The following AQP9 variants were observed in gnomAD, a reference collection of about 807,000 sequenced individuals.
AQP9 encodes aquaporin 9, also known as aquaporin-9.
AQP9 carries 19 observed loss-of-function variants against 23.8 expected under a neutral mutation model. The observed-to-expected ratio is 0.80, with a 90% confidence interval of 0.56 to 1.17. The LOEUF is 1.17. Ranked by LOEUF, AQP9 falls within the 50% of genes most tolerant of loss-of-function variation. The pLI is 0.00. For missense variants in AQP9, 413 were observed against 362.0 expected (o/e 1.14, Z -1.14); for synonymous variants, 153 against 131.5 (o/e 1.16, Z -1.12).
rs776663420 is a variant in AQP9, at chr15:58,166,692, T to C, written c.131T>C (p.Val44Ala). The change falls in exon 2 of 6, where the codon GTT becomes GCT. Residue 44 changes from valine to alanine, a missense_variant. Coordinates refer to ENST00000219919, the MANE Select transcript of AQP9 (RefSeq NM_020980.5). ...TTCCAGGTCCTTGGATGTGGCTGTG[T>C]TGCCCAAGCTATTCTCAGTCGAGGA... ...FILIVLGCGC[V>A]AQAILSRGRF... 4 of 1,611,372 alleles carry C rather than the reference T, an allele frequency of 2.5e-6. No homozygotes were observed. Among genetic ancestry groups the C allele is most frequent in the East Asian group, 2.2e-5 (1 of 44,674 alleles).
intron 5 of AQP9, among the ~76,000 whole-genome samples, chr15:58,181,190 T>A (rs1309008757): frequency 2.6e-5 from 4 of 152,230 alleles, no homozygotes; most frequent in Non-Finnish European, 5.9e-5. Context: ...AATGTTGGAA[T>A]CACCTAATGT....
chr15:58,175,162 G>A (rs1898720307), intron 4 of AQP9, 126 bp downstream of exon 4: 2 of 932,586 alleles, frequency 2.1e-6, no homozygotes, highest in South Asian at 1.6e-5. Context: ...AGGTTGCTGG[G>A]CATAACCCAA....
At chr15:58,150,939 C>T (rs1364404001) in intron 1 of AQP9, 1 of 152,080 alleles carries the variant, frequency 6.6e-6, no homozygotes, top group Admixed American at 6.6e-5. Context: ...TATGAATGAA[C>T]CCAAAAAGGA....
rs534409276 is a variant in AQP9 at position 58,181,849 on chromosome 15, A to T, written c.714-2112A>T. ...TAGGAAAGAGCAGGGTTGGCTGGTA[A>T]TCCTCAACCAAAAATTTCTCCCCAA... On this transcript the variant is annotated intron_variant, in intron 5 of 5. Transcript: ENST00000219919. 5.9e-5 allele frequency among the ~76,000 whole-genome samples: 9 copies of T among 152,284 alleles called. No homozygotes were observed. The East Asian group carries it at 1.7e-3, about 29-fold the overall frequency.
At chr15:58,144,910 A>G (rs1898014454) in intron 1 of AQP9, among the ~76,000 whole-genome samples, 1 of 149,674 alleles carries the variant, frequency 6.7e-6, no homozygotes, top group Non-Finnish European at 1.5e-5. Context: ...GCTACTCAGG[A>G]GGCTGAGGCA....
In AQP9 at chr15:58,185,847, T is replaced by C. The variant is rs1380870721; in HGVS notation, c.*1712T>C. Reference sequence around the variant, plus strand: ...TACAATCTATGGACATACGGGATTTTTTTTTCTTGCTTTGAAGCTACCTGG... The same window carrying C: ...TACAATCTATGGACATACGGGATTTCTTTTTCTTGCTTTGAAGCTACCTGG... On this transcript the variant is annotated 3_prime_UTR_variant, in exon 6 of 6. Transcript: ENST00000219919. 2 of 152,252 alleles carry C rather than the reference T, an allele frequency of 1.3e-5. No individual in the cohort carries two copies. The highest frequency in any genetic ancestry group is 4.8e-5 in the African/African-American group (2 of 41,466). 9.4% of individuals were successfully genotyped at this position (152,252 alleles called of 1,614,324 possible).
chr15:58,177,178 T>C (rs1483248533), intron 4 of AQP9, among the ~76,000 whole-genome samples: 2 of 152,186 alleles, frequency 1.3e-5, no homozygotes, highest in Non-Finnish European at 2.9e-5. Context: ...ATTTCAAGAT[T>C]ACTAAATTGT....
chr15:58,152,244 C>T (rs1898165352), intron 1 of AQP9: 1 of 152,136 alleles, frequency 6.6e-6, no homozygotes. Flanking sequence ...TTGCCTTTCC[C>T]CCTACTATTA....
At chr15:58,167,102 C>A (rs1038518741) in intron 2 of AQP9, among the ~76,000 whole-genome samples, 9 of 152,146 alleles carry the variant, frequency 5.9e-5, no homozygotes, top group Non-Finnish European at 8.8e-5. Context: ...TGCTCTAGTC[C>A]ACATTTGGAA....
chr15:58,179,087 G>A (rs1395301745), intron 4 of AQP9, 41 bp from the exon 5 acceptor site: 1 of 1,423,718 alleles, frequency 7.0e-7, no homozygotes, highest in Non-Finnish European at 9.9e-7. Flanking sequence ...CAGGTGAGCA[G>A]AATGCAGGCT....
intron 5 of AQP9, among the ~76,000 whole-genome samples, 182 bp downstream of exon 5, chr15:58,179,527 G>GTGTC (rs1898837038): frequency 6.6e-6 from 1 of 151,924 alleles, no homozygotes; most frequent in Non-Finnish European, 1.5e-5. Flanking sequence ...GTGTGTGTGT[G>GTGTC]TGTGTGTGTG....
At chr15:58,182,312 C>A (rs1165932098) in intron 5 of AQP9, among the ~76,000 whole-genome samples, 1 of 152,204 alleles carries the variant, frequency 6.6e-6, no homozygotes, top group Non-Finnish European at 1.5e-5. Flanking sequence ...TTCCTGGCAT[C>A]TCCCGAATCA....
chr15:58,162,117 C>T (rs1229355266), intron 1 of AQP9, among the ~76,000 whole-genome samples: 5 of 152,152 alleles, frequency 3.3e-5, no homozygotes, highest in Non-Finnish European at 7.3e-5. Context: ...TCAGAAGGTA[C>T]AGGGTTAATT....
At position 58,179,238 on chromosome 15, in the gene AQP9, C is replaced by T; in HGVS notation, c.606C>T (p.Val202=). 6.2e-7 allele frequency: 1 copy of T among 1,614,160 alleles called. No homozygotes were observed. Residue 202 remains valine (V), a synonymous_variant, in exon 5 of 6, where the codon GTC becomes GTT. Transcript: ENST00000219919. ...TTGCCATCGGCCTCCTGATTATTGT[C>T]ATTGCTTCCTCCCTGGGACTGAACA... is the stretch of plus-strand genomic sequence containing the variant. ...EPIAIGLLII[V]IASSLGLNSG...
At chr15:58,152,199 A>G (rs1410963662) in intron 1 of AQP9, 1 of 152,150 alleles carries the variant, frequency 6.6e-6, no homozygotes, top group Admixed American at 6.5e-5. Context: ...TTCCACTAAT[A>G]GCCTCTTGAT....
At chr15:58,160,515 T>G (rs1271425247) in intron 1 of AQP9, among the ~76,000 whole-genome samples, 1 of 152,190 alleles carries the variant, frequency 6.6e-6, no homozygotes, top group African/African-American at 2.4e-5. Context: ...TTAGATATTT[T>G]AATATCTTTC....
At chr15:58,154,986 G>A (rs1898221069) in intron 1 of AQP9, 1 of 152,196 alleles carries the variant, frequency 6.6e-6, no homozygotes, top group African/African-American at 2.4e-5. Context: ...CAACGCACCT[G>A]CTAATAAAAA....
chr15:58,163,285 T>C (rs973063908), intron 1 of AQP9, among the ~76,000 whole-genome samples: 8 of 152,172 alleles, frequency 5.3e-5, no homozygotes, highest in African/African-American at 1.9e-4. Flanking sequence ...GCAGCTAGAT[T>C]GAGCAAGTGC....
intron 5 of AQP9, among the ~76,000 whole-genome samples, chr15:58,179,588 G>C (rs1187186618): frequency 3.9e-5 from 6 of 151,964 alleles, no homozygotes; most frequent in Non-Finnish European, 8.8e-5. Context: ...AAATTCAATA[G>C]AGATAAAACT....
Sources: gnomAD v4.1 joint callset for allele counts (sites outside exome capture counted in the v4.1 genomes callset) on GRCh38, gnomAD v4.1.1 for gene constraint, MANE v1.5 for transcripts, NCBI Gene and HGNC (gene_info 2026-07-23, HGNC 2026-07-21) for gene names.